Variants in LRP2 observed in about 807,000 individuals in gnomAD.
LRP2 encodes the protein low-density lipoprotein receptor-related protein 2.
In LRP2, 172 loss-of-function variants were observed where a neutral mutation model predicts 531.0. The observed-to-expected ratio is 0.32, with a 90% CI of 0.29 to 0.37. The LOEUF (loss-of-function observed/expected upper bound fraction) is 0.37. LRP2 is among the 10% of genes least tolerant of loss of function. LRP2 has a pLI of 1.00. For synonymous variants in LRP2, 1,992 were observed against 2,027.6 expected (o/e 0.98, Z 0.47); for missense variants, 5,167 against 5,868.3 (o/e 0.88, Z 3.90).
intron 76 of LRP2, among the ~76,000 whole-genome samples, chr2:169,133,594 G>A (rs1293170270): frequency 1.3e-5 from 1 of 74,614 alleles, no homozygotes; most frequent in African/African-American, 3.9e-5. Context: ...TTCAAAAGGA[G>A]CATTAGGTGT....
intron 66 of LRP2, 134 bp from the exon 67 acceptor site, chr2:169,153,098 T>C: frequency 1.2e-6 from 1 of 824,508 alleles, no homozygotes. Flanking sequence ...ATAATATGAA[T>C]AATTCAATGA....
intron 32 of LRP2, 124 bp from the exon 33 acceptor site, chr2:169,225,577 A>G: frequency 9.1e-7 from 1 of 1,097,046 alleles, no homozygotes; most frequent in East Asian, 2.4e-5. Context: ...CTCAGAGGAA[A>G]GGCAAACAAA....
rs761128089 is a variant in LRP2 at position 169,140,477 on chromosome 2, C to T, written c.13177G>A (p.Glu4393Lys). The T allele has an allele frequency of 1.9e-6, 3 of 1,613,996 alleles. No individual in the cohort carries two copies. Among genetic ancestry groups the T allele is most frequent in the Admixed American group, 3.3e-5 (2 of 60,002 alleles). Residue 4393 changes from glutamate to lysine, a missense_variant, in exon 72 of 79, where the codon GAG becomes AAG. Transcript: ENST00000649046. ...CMHGGNCYFD[E>K]TDLPKCKCPS... ...TACTTGCATTTGGGGAGGTCAGTCT[C>T]ATCAAAATAGCAATTTCCTCCGTGC...
chr2:169,344,651 A>G lies in LRP2; in HGVS notation c.79+17670T>C, dbSNP rs543349725. On this transcript the variant is annotated intron_variant, in intron 1 of 78. Coordinates refer to ENST00000649046, the MANE Select transcript of LRP2 (RefSeq NM_004525.3). ...TAAGAGCCAAACCCTGTTTCATTTT[A>G]TTATATCCCTCATCGAGTTTTAACT... 3.9e-5 allele frequency among the ~76,000 whole-genome samples: 6 copies of G among 152,314 alleles called. No homozygotes were observed. In the South Asian group the frequency reaches 1.2e-3, roughly 32 times the overall value.
At chr2:169,214,702 A>G (rs1034332240) in intron 35 of LRP2, among the ~76,000 whole-genome samples, 6 of 152,176 alleles carry the variant, frequency 3.9e-5, no homozygotes, top group Non-Finnish European at 7.4e-5. Context: ...AGATTAGCTG[A>G]GCAACCTCAC....
chr2:169,141,122 G>A (rs1464191618), intron 71 of LRP2, among the ~76,000 whole-genome samples: 2 of 152,150 alleles, frequency 1.3e-5, no homozygotes. Context: ...TGTGCCTGAT[G>A]GGGAATTAGT....
intron 67 of LRP2, 60 bp from the exon 68 acceptor site, chr2:169,151,086 A>C: frequency 1.9e-6 from 3 of 1,574,356 alleles, no homozygotes; most frequent in Non-Finnish European, 2.6e-6. Context: ...TTACTGGGTA[A>C]GAGGTTTGAA....
chr2:169,158,191 C>T (rs575218183), intron 63 of LRP2, among the ~76,000 whole-genome samples: 1 of 151,676 alleles, frequency 6.6e-6, no homozygotes, highest in Admixed American at 6.6e-5. Flanking sequence ...TAAATTAGTA[C>T]ACAAGGAAAG....
intron 36 of LRP2, among the ~76,000 whole-genome samples, chr2:169,213,447 A>G (rs759183843): frequency 6.6e-6 from 1 of 152,256 alleles, no homozygotes; most frequent in Non-Finnish European, 1.5e-5. Flanking sequence ...ACTTACTCTG[A>G]AGTCAATCTG....
chr2:169,181,870 G>A (rs563073899), intron 51 of LRP2, among the ~76,000 whole-genome samples: 221 of 152,286 alleles, frequency 1.5e-3, no homozygotes, highest in African/African-American at 5.0e-3. Context: ...CTTTGACTTC[G>A]AGAGTCCAGT....
At chr2:169,233,670 G>T (rs1031012120) in intron 29 of LRP2, 82 bp from the exon 30 acceptor site, 15 of 1,228,940 alleles carry the variant, frequency 1.2e-5, no homozygotes, top group Non-Finnish European at 1.6e-5. Context: ...ATCTGCTCAA[G>T]AAGACGGTTT....
chr2:169,284,618 A>G (rs1274798082), intron 9 of LRP2, among the ~76,000 whole-genome samples: 1 of 151,830 alleles, frequency 6.6e-6, no homozygotes, highest in Non-Finnish European at 1.5e-5. Flanking sequence ...AAACATAACA[A>G]CATGAGCCAG....
intron 1 of LRP2, among the ~76,000 whole-genome samples, chr2:169,344,258 A>C (rs903086155): frequency 6.6e-6 from 1 of 151,950 alleles, no homozygotes; most frequent in Admixed American, 6.6e-5. Context: ...TCCTAATGCT[A>C]TCCCTCCCCT....
chr2:169,320,442 C>A (rs186716592), intron 2 of LRP2, among the ~76,000 whole-genome samples: 1 of 152,072 alleles, frequency 6.6e-6, no homozygotes, highest in Non-Finnish European at 1.5e-5. Context: ...TGTGGGTACA[C>A]AAAATTTACA....
chr2:169,226,584 A>T lies in LRP2; in HGVS notation c.5232T>A (p.Asp1744Glu). ...SPDLLNCLRD[D>E]QPFLITVRQH... The stretch of plus-strand genomic sequence containing the variant: ...GCCTTACAGTTATTAAGAAAGGTTG[A>T]TCATCTGTGAAAATAGAAGAATATC... Residue 1744 changes from aspartate to glutamate, a missense_variant, in exon 32 of 79, where the codon GAT becomes GAA. Asp to Glu is a conservative substitution (Grantham distance 45). This residue lies in a region of LRP2 where 2,811 missense variants were observed against 3,058.0 expected (regional missense o/e 0.92). Coordinates refer to ENST00000649046, the MANE Select transcript of LRP2 (RefSeq NM_004525.3). 6.2e-7 allele frequency: 1 copy of T among 1,608,922 alleles called. No individual in the cohort carries two copies. Among genetic ancestry groups the T allele is most frequent in the Non-Finnish European group, 8.5e-7 (1 of 1,175,686 alleles).
chr2:169,241,450 G>C (rs1689802472), intron 24 of LRP2, 85 bp from the exon 25 acceptor site: 1 of 1,463,456 alleles, frequency 6.8e-7, no homozygotes, highest in East Asian at 2.3e-5. Context: ...AATGATTTTG[G>C]ATCCAATAGT....
At chr2:169,212,970 T>C (rs551920100) in intron 36 of LRP2, among the ~76,000 whole-genome samples, 1 of 147,022 alleles carries the variant, frequency 6.8e-6, no homozygotes, top group Non-Finnish European at 1.5e-5. Context: ...TAATTTCTAT[T>C]GCATGTGTTT....
chr2:169,175,343 C>T lies in LRP2; in HGVS notation c.10618G>A (p.Asp3540Asn), dbSNP rs764457111. Residue 3540 changes from aspartate to asparagine, a missense_variant, in exon 55 of 79, where the codon GAT becomes AAT. Coordinates refer to ENST00000649046, the MANE Select transcript of LRP2 (RefSeq NM_004525.3). Reference protein sequence around the residue: ...WKCDGQKDCSDGSDELALCPQ... With the variant: ...WKCDGQKDCSNGSDELALCPQ... The stretch of plus-strand genomic sequence containing the variant: ...CAAAGGGCCAGTTCATCAGAGCCAT[C>T]TGAGCAGTCTTTCTGTCCATCACAT... The T allele has an allele frequency of 6.2e-7, 1 of 1,614,214 alleles. No homozygotes were observed.
At chr2:169,312,093 T>C (rs1684614654) in intron 3 of LRP2, among the ~76,000 whole-genome samples, 1 of 152,168 alleles carries the variant, frequency 6.6e-6, no homozygotes, top group South Asian at 2.1e-4. Flanking sequence ...AGCCTATGTG[T>C]GTCTCTGCAC....
Sources: gnomAD v4.1 joint callset for allele counts (sites outside exome capture counted in the v4.1 genomes callset) on GRCh38, gnomAD v4.1.1 for gene constraint, gnomAD v4.1.1 regional missense constraint, MANE v1.5 for transcripts, NCBI Gene and HGNC (gene_info 2026-07-23, HGNC 2026-07-21) for gene names.